The following NYAP2 variants were observed in gnomAD, a reference collection of about 807,000 sequenced individuals.
The protein encoded by NYAP2 is neuronal tyrosine-phosphorylated phosphoinositide-3-kinase adapter 2.
In NYAP2, 23 loss-of-function variants were observed where a neutral mutation model predicts 50.4. The ratio of observed to expected loss-of-function variants is 0.46; its 90% confidence interval spans 0.33 to 0.65. The LOEUF (loss-of-function observed/expected upper bound fraction) is 0.65, where lower values mean the gene tolerates loss of function less well. Ranked by LOEUF, NYAP2 falls within the 30% of genes least tolerant of loss-of-function variation. The probability of loss-of-function intolerance (pLI) is 0.02; values close to 1 mark genes in which losing one functional copy is unlikely to be tolerated. For synonymous variants in NYAP2, 394 were observed against 365.2 expected, an observed-to-expected ratio of 1.08 and a Z score of -0.90; for missense variants, 885 against 861.0, an observed-to-expected ratio of 1.03 and a Z score of -0.35.
At chr2:225,448,028 C>G (rs1438366141) in intron 3 of NYAP2, among the ~76,000 whole-genome samples, 1 of 152,146 alleles carries the variant, frequency 6.6e-6, no homozygotes, top group Admixed American at 6.6e-5. Flanking sequence ...GCTAATGAAC[C>G]TGGGAAGCTG....
intron 3 of NYAP2, among the ~76,000 whole-genome samples, chr2:225,503,659 A>G (rs537630327): frequency 5.1e-4 from 77 of 152,292 alleles, no homozygotes; most frequent in Non-Finnish European, 6.9e-4. Flanking sequence ...AGCAATATTA[A>G]CCTCAAACTC....
intron 6 of NYAP2, among the ~76,000 whole-genome samples, chr2:225,645,286 T>C (rs1693612538): frequency 6.6e-6 from 1 of 151,512 alleles, no homozygotes; most frequent in African/African-American, 2.4e-5. Context: ...ATAAATTACA[T>C]AGTCCTACTG....
chr2:225,518,424 G>A (rs1026493069), intron 4 of NYAP2, among the ~76,000 whole-genome samples: 1 of 147,964 alleles, frequency 6.8e-6, no homozygotes, highest in Non-Finnish European at 1.5e-5. Context: ...AAACATCTAC[G>A]GTACATCATG....
At chr2:225,553,542 T>C (rs763854275) in intron 4 of NYAP2, among the ~76,000 whole-genome samples, 3 of 152,252 alleles carry the variant, frequency 2.0e-5, no homozygotes, top group Non-Finnish European at 2.9e-5. Flanking sequence ...CACAGCCAAA[T>C]GGAAGCTGAC....
intron 3 of NYAP2, among the ~76,000 whole-genome samples, chr2:225,492,440 T>C (rs866281937): frequency 9.2e-5 from 14 of 152,224 alleles, no homozygotes; most frequent in African/African-American, 3.1e-4. Flanking sequence ...CAACTCATCT[T>C]TCCATTTGCA....
Position 225,644,789 on chromosome 2 carries a change from C to T in NYAP2, c.1829-6643C>T, listed in dbSNP as rs377456817. Among the ~76,000 whole-genome samples, 262 of 150,344 alleles carry T rather than the reference C, an allele frequency of 1.7e-3. 1 individual carries two copies. Among genetic ancestry groups the T allele is most frequent in the African/African-American group, 6.2e-3 (254 of 40,784 alleles). ...TTATTTCTGAGGGCTCTGTTCTGTT[C>T]CATTGATCTATATCTCTGTTTTGGT... On this transcript the variant is annotated intron_variant, in intron 6 of 6. Transcript: ENST00000636099.
chr2:225,683,019 C>G, the NYAP2 span, among the ~76,000 whole-genome samples: 10 of 150,156 alleles, frequency 6.7e-5, no homozygotes, highest in Admixed American at 4.0e-4. Flanking sequence ...TTCCCCCCCC[C>G]ATTCTGTTCT....
chr2:225,649,323 G>A (rs1038670594), intron 6 of NYAP2, among the ~76,000 whole-genome samples: 7 of 152,042 alleles, frequency 4.6e-5, no homozygotes, highest in East Asian at 1.9e-4. Flanking sequence ...CTTCTGGATC[G>A]GTTGGAAAGT....
chr2:225,497,083 G>A (rs918157063), intron 3 of NYAP2, among the ~76,000 whole-genome samples: 15 of 152,096 alleles, frequency 9.9e-5, no homozygotes, highest in Admixed American at 8.5e-4. Context: ...AGCATAAAGC[G>A]GATAATCCAA....
the NYAP2 span, among the ~76,000 whole-genome samples, chr2:225,660,017 G>A: frequency 6.6e-6 from 1 of 152,138 alleles, no homozygotes; most frequent in Non-Finnish European, 1.5e-5. Flanking sequence ...AGAAAAAGCA[G>A]ACAGATTTCT....
At chr2:225,473,888 C>A (rs1690056161) in intron 3 of NYAP2, among the ~76,000 whole-genome samples, 1 of 152,130 alleles carries the variant, frequency 6.6e-6, no homozygotes, top group African/African-American at 2.4e-5. Flanking sequence ...CTTGCCCATG[C>A]CTATGTCCTG....
intron 3 of NYAP2, among the ~76,000 whole-genome samples, chr2:225,459,456 T>C (rs985106119): frequency 3.3e-5 from 5 of 152,110 alleles, no homozygotes; most frequent in African/African-American, 1.2e-4. Flanking sequence ...TGAAAATAAA[T>C]ATCTCCTCCT....
intron 3 of NYAP2, among the ~76,000 whole-genome samples, chr2:225,445,374 A>G (rs1689536486): frequency 6.6e-6 from 1 of 152,130 alleles, no homozygotes. Flanking sequence ...AAAGAATAAC[A>G]AAGTATCAAT....
chr2:225,437,633 A>G (rs2106138376), intron 3 of NYAP2, among the ~76,000 whole-genome samples: 1 of 152,342 alleles, frequency 6.6e-6, no homozygotes, highest in South Asian at 2.1e-4. Flanking sequence ...GCCAAATAAA[A>G]TAAAACCAAC....
At chr2:225,609,137 A>G (rs1250883367) in intron 5 of NYAP2, among the ~76,000 whole-genome samples, 5 of 152,108 alleles carry the variant, frequency 3.3e-5, no homozygotes, top group Admixed American at 6.6e-5. Context: ...TTGCAAACCT[A>G]CTAAAATCAG....
intron 5 of NYAP2, among the ~76,000 whole-genome samples, chr2:225,587,914 CT>C (rs1692415944): frequency 6.6e-6 from 1 of 151,616 alleles, no homozygotes; most frequent in Admixed American, 6.6e-5. Flanking sequence ...ATCTTTTAGC[CT>C]TTAAAAAGTA....
At chr2:225,485,929 G>A (rs1690288328) in intron 3 of NYAP2, among the ~76,000 whole-genome samples, 1 of 152,162 alleles carries the variant, frequency 6.6e-6, no homozygotes, top group Non-Finnish European at 1.5e-5. Flanking sequence ...ATCATTAGAT[G>A]CTAGTAGCCA....
intron 6 of NYAP2, among the ~76,000 whole-genome samples, chr2:225,642,440 C>A (rs1012680393): frequency 5.3e-5 from 8 of 152,012 alleles, no homozygotes; most frequent in Non-Finnish European, 1.0e-4. Flanking sequence ...AACTAGGTAC[C>A]ATTATTTCTC....
chr2:225,629,754 G>A (rs1693276604), intron 6 of NYAP2, among the ~76,000 whole-genome samples: 1 of 152,110 alleles, frequency 6.6e-6, no homozygotes, highest in Non-Finnish European at 1.5e-5. Flanking sequence ...ACTCTCTCAA[G>A]AACCAGTCTA....
Sources: gnomAD v4.1 joint callset for allele counts (sites outside exome capture counted in the v4.1 genomes callset) on GRCh38, gnomAD v4.1.1 for gene constraint, MANE v1.5 for transcripts, NCBI Gene and HGNC (gene_info 2026-07-23, HGNC 2026-07-21) for gene names.